CWH43: variants seen among roughly 807,000 people sequenced by gnomAD.
The protein encoded by CWH43 is cell wall biogenesis 43 C-terminal homolog.
In CWH43, 91 loss-of-function variants were observed where a neutral mutation model predicts 85.7. The observed-to-expected ratio is 1.06, with a 90% CI of 0.90 to 1.26. The LOEUF is 1.26. Ranked by LOEUF, CWH43 falls within the 50% of genes most tolerant of loss-of-function variation. The pLI is 0.00. For synonymous variants in CWH43, 323 were observed against 293.6 expected (o/e 1.10, Z -1.02); for missense variants, 869 against 839.2 (o/e 1.04, Z -0.44).
intron 9 of CWH43, among the ~76,000 whole-genome samples, chr4:49,026,803 G>A (rs1236525759): frequency 6.6e-6 from 1 of 152,174 alleles, no homozygotes; most frequent in Non-Finnish European, 1.5e-5. Context: ...GGGCACTTAA[G>A]TTGGTTCCAT....
At chr4:49,045,097 T>C (rs1784584021) in intron 14 of CWH43, among the ~76,000 whole-genome samples, 1 of 152,182 alleles carries the variant, frequency 6.6e-6, no homozygotes, top group Non-Finnish European at 1.5e-5. Flanking sequence ...CTGTGTAGGC[T>C]ATTAGGCATG....
chr4:49,013,184 C>G (rs1022419482), intron 8 of CWH43, among the ~76,000 whole-genome samples: 3 of 152,262 alleles, frequency 2.0e-5, no homozygotes, highest in African/African-American at 7.2e-5. Flanking sequence ...TTTACTTACT[C>G]TAGCCTCAGC....
At chr4:49,060,723 CT>C (rs1371009452) in intron 15 of CWH43, among the ~76,000 whole-genome samples, 1 of 152,128 alleles carries the variant, frequency 6.6e-6, no homozygotes, top group African/African-American at 2.4e-5. Flanking sequence ...CATCTGAAAT[CT>C]TTAGCTCTTG....
At chr4:49,057,063 C>T (rs1784987592) in intron 15 of CWH43, among the ~76,000 whole-genome samples, 1 of 152,182 alleles carries the variant, frequency 6.6e-6, no homozygotes, top group Non-Finnish European at 1.5e-5. Context: ...TGTGGCCTAA[C>T]ATAAGATTTG....
chr4:48,991,725 T>G (rs538001546), intron 3 of CWH43, 151 bp downstream of exon 3: 12 of 996,474 alleles, frequency 1.2e-5, no homozygotes, highest in Non-Finnish European at 1.5e-5. Context: ...AACAAGGACA[T>G]GAATACTTGC....
chr4:49,056,291 T>A (rs1177443088), intron 15 of CWH43, among the ~76,000 whole-genome samples: 1 of 152,152 alleles, frequency 6.6e-6, no homozygotes, highest in Non-Finnish European at 1.5e-5. Flanking sequence ...AGTGAGGCAA[T>A]TGGGTCTGGG....
intron 9 of CWH43, among the ~76,000 whole-genome samples, chr4:49,027,828 A>G (rs1451537990): frequency 6.6e-6 from 1 of 152,072 alleles, no homozygotes; most frequent in Non-Finnish European, 1.5e-5. Context: ...TCCCTCCCTG[A>G]GTTCCCCACT....
chr4:49,020,934 C>A (rs1341844568), intron 9 of CWH43, among the ~76,000 whole-genome samples: 4 of 151,528 alleles, frequency 2.6e-5, no homozygotes, highest in African/African-American at 7.3e-5. Flanking sequence ...TGTTTGAATT[C>A]CTTGTAGCTT....
chr4:49,029,072 A>C (rs895298078), intron 10 of CWH43, among the ~76,000 whole-genome samples: 1 of 152,178 alleles, frequency 6.6e-6, no homozygotes, highest in Non-Finnish European at 1.5e-5. Context: ...GTTGGGGACC[A>C]GAAGACTTGG....
chr4:49,053,686 C>T (rs1372086838), intron 15 of CWH43, among the ~76,000 whole-genome samples: 1 of 152,000 alleles, frequency 6.6e-6, no homozygotes, highest in African/African-American at 2.4e-5. Context: ...TGGATATTAG[C>T]CGTTTATCAT....
At position 49,003,850 on chromosome 4, in the gene CWH43, T is replaced by A. The variant is rs1444953055; in HGVS notation, c.918T>A (p.Ile306=). 6.2e-7 allele frequency: 1 copy of A among 1,613,918 alleles called. No homozygotes were observed. Among genetic ancestry groups the A allele is most frequent in the Non-Finnish European group, 8.5e-7 (1 of 1,179,944 alleles). ...SMWPQTLGHL[I]NSGTNPGKTM... ...GGCCCCAAACACTTGGACACCTTATTAACTCAGGGACAAACCCTGGGAAAA... is the reference window on the plus strand; with the variant it reads ...GGCCCCAAACACTTGGACACCTTATAAACTCAGGGACAAACCCTGGGAAAA... Residue 306 remains isoleucine (I), a synonymous_variant, in exon 7 of 16, where the codon ATT becomes ATA. Coordinates refer to ENST00000226432, the MANE Select transcript of CWH43 (RefSeq NM_025087.3).
intron 8 of CWH43, among the ~76,000 whole-genome samples, chr4:49,009,486 G>A (rs1388254329): frequency 6.6e-6 from 1 of 152,062 alleles, no homozygotes; most frequent in Non-Finnish European, 1.5e-5. Context: ...CTGCCTGATT[G>A]CCCTGGCCAG....
chr4:49,036,203 T>C lies in CWH43; in HGVS notation c.1659-1833T>C, dbSNP rs1179996428. 3.3e-5 allele frequency among the ~76,000 whole-genome samples: 5 copies of C among 152,218 alleles called. No homozygotes were observed. In the South Asian group the frequency reaches 8.3e-4, roughly 25 times the overall value. On this transcript the variant is annotated intron_variant, in intron 12 of 15. Transcript: ENST00000226432. ...TCTTCTCCCAACGTTTAATCTCCCATTGATGCCTCCGATTGGCCAAACCTA... is the reference window on the plus strand; with the variant it reads ...TCTTCTCCCAACGTTTAATCTCCCACTGATGCCTCCGATTGGCCAAACCTA...
At chr4:48,995,097 C>T (rs1182696808) in intron 5 of CWH43, among the ~76,000 whole-genome samples, 2 of 152,156 alleles carry the variant, frequency 1.3e-5, no homozygotes, top group Admixed American at 6.5e-5. Flanking sequence ...ATAGGCATCT[C>T]GAGGAATGCC....
In CWH43 at chr4:49,040,781, C is replaced by A. The variant is rs1397387572; in HGVS notation, c.1803+2601C>A. Among the ~76,000 whole-genome samples, 10 of 152,136 alleles carry A rather than the reference C, an allele frequency of 6.6e-5. No homozygotes were observed. In the South Asian group the frequency reaches 1.5e-3, roughly 22 times the overall value. On this transcript the variant is annotated intron_variant, in intron 13 of 15. Transcript: ENST00000226432. ...CATTTGTCAATTTTGGCTTTTGTTGCCATTGCTTTTGGTGTTTTAGACATG... is the reference window on the plus strand; with the variant it reads ...CATTTGTCAATTTTGGCTTTTGTTGACATTGCTTTTGGTGTTTTAGACATG...
chr4:49,007,101 C>A, intron 7 of CWH43, 100 bp from the exon 8 acceptor site: 2 of 1,333,170 alleles, frequency 1.5e-6, no homozygotes, highest in South Asian at 1.8e-5. Flanking sequence ...CATGAATTTC[C>A]AGGGTATGTT....
intron 15 of CWH43, among the ~76,000 whole-genome samples, chr4:49,051,128 C>T (rs879935453): frequency 1.3e-5 from 2 of 152,180 alleles, no homozygotes; most frequent in African/African-American, 2.4e-5. Context: ...TCACTGTCAC[C>T]TCCACGATAG....
intron 9 of CWH43, among the ~76,000 whole-genome samples, chr4:49,021,292 A>G (rs1256738326): frequency 2.0e-5 from 3 of 152,120 alleles, no homozygotes; most frequent in African/African-American, 4.8e-5. Flanking sequence ...TTATCTTAGC[A>G]CTATTTGTTG....
intron 9 of CWH43, among the ~76,000 whole-genome samples, chr4:49,020,668 C>T (rs922779204): frequency 6.6e-6 from 1 of 152,168 alleles, no homozygotes; most frequent in African/African-American, 2.4e-5. Flanking sequence ...AGTTTACCTT[C>T]CCACAGACAG....
Sources: allele counts gnomAD v4.1 joint callset (sites outside exome capture counted in the v4.1 genomes callset), GRCh38; gene constraint gnomAD v4.1.1; transcripts MANE v1.5; gene names NCBI Gene and HGNC (gene_info 2026-07-23, HGNC 2026-07-21).